Variants in HS3ST2 observed in about 807,000 individuals in gnomAD.
HS3ST2 encodes heparan sulfate glucosamine 3-O-sulfotransferase 2.
HS3ST2 carries 17 observed loss-of-function variants against 26.3 expected under a neutral mutation model. That is an observed-to-expected ratio of 0.65 (90% CI 0.44 to 0.97). HS3ST2 has a LOEUF of 0.97. Among genes scored for constraint, HS3ST2 ranks in the 50% least tolerant of loss-of-function variants. The probability of loss-of-function intolerance (pLI) is 0.00; values close to 1 mark genes in which losing one functional copy is unlikely to be tolerated. For synonymous variants in HS3ST2, 237 were observed against 219.2 expected, an observed-to-expected ratio of 1.08 and a Z score of -0.72; for missense variants, 402 against 501.2, an observed-to-expected ratio of 0.80 and a Z score of 1.89.
At chr16:22,850,185 A>C (rs562525923) in intron 1 of HS3ST2, among the ~76,000 whole-genome samples, 152 of 152,320 alleles carry the variant, frequency 1.0e-3, no homozygotes, top group African/African-American at 3.5e-3. Flanking sequence ...ACCCCTTTCC[A>C]AAACACATGT....
At chr16:22,818,827 TTCCTTCCC>T (rs1253882096) in intron 1 of HS3ST2, among the ~76,000 whole-genome samples, 389 of 26,218 alleles carry the variant, frequency 0.015, 63 homozygotes, top group Admixed American at 0.021. Flanking sequence ...CCTTCCTTCC[TTCCTTCCC>T]TCCTTCCTTC....
In HS3ST2 at chr16:22,814,795, G is replaced by T. The variant is rs766243617; in HGVS notation, c.185G>T (p.Gly62Val). The stretch of plus-strand genomic sequence containing the variant: ...CGCTGCCTCCGCGGCCCCAGCGCGG[G>T]CGGCCAGAAACTTCTCCAGAAGTCC... ...APRCLRGPSA[G>V]GQKLLQKSRP... Residue 62 changes from glycine (G) to valine (V), a missense_variant, in exon 1 of 2, where the codon GGC becomes GTC. Physicochemically the swap from Gly to Val is moderately radical, Grantham distance 109. Around this residue, in one of 2 missense-constraint regions of HS3ST2, gnomAD observed 165 missense variants for 154.6 expected, o/e 1.07. Transcript: ENST00000261374. The T allele has an allele frequency of 6.3e-7, 1 of 1,591,758 alleles. No individual in the cohort carries two copies. The highest frequency in any genetic ancestry group is 1.3e-5 in the African/African-American group (1 of 74,570).
chr16:22,884,498 A>G (rs961992918), intron 1 of HS3ST2, among the ~76,000 whole-genome samples: 20 of 152,000 alleles, frequency 1.3e-4, no homozygotes, highest in African/African-American at 4.6e-4. Context: ...ACAGGATTCT[A>G]TCCATAATAG....
chr16:22,914,270 A>T (rs1902460898), intron 1 of HS3ST2, among the ~76,000 whole-genome samples: 1 of 152,194 alleles, frequency 6.6e-6, no homozygotes, highest in African/African-American at 2.4e-5. Flanking sequence ...TACAAGCTGT[A>T]TCTTGCCTGT....
intron 1 of HS3ST2, among the ~76,000 whole-genome samples, chr16:22,904,310 G>A (rs1902320446): frequency 6.6e-6 from 1 of 152,170 alleles, no homozygotes. Flanking sequence ...TACAGTAGGT[G>A]CTCAATAAAC....
intron 1 of HS3ST2, among the ~76,000 whole-genome samples, chr16:22,865,639 T>C (rs755472956): frequency 7.9e-5 from 12 of 152,204 alleles, no homozygotes; most frequent in Non-Finnish European, 1.6e-4. Context: ...CTATTTATGC[T>C]GTTTCAGAAA....
intron 1 of HS3ST2, among the ~76,000 whole-genome samples, chr16:22,902,783 T>G (rs1264237483): frequency 2.0e-5 from 3 of 152,224 alleles, no homozygotes; most frequent in Non-Finnish European, 4.4e-5. Context: ...TTGTGTTTCC[T>G]TAATTTTAGA....
chr16:22,860,527 G>A (rs1359569750), intron 1 of HS3ST2, among the ~76,000 whole-genome samples: 1 of 152,068 alleles, frequency 6.6e-6, no homozygotes. Flanking sequence ...TTATTTTTGA[G>A]CAATGATCAC....
chr16:22,914,764 A>AAAAGAGG (rs1902470284), intron 1 of HS3ST2, among the ~76,000 whole-genome samples, 180 bp from the exon 2 acceptor site: 1 of 124,738 alleles, frequency 8.0e-6, no homozygotes, highest in African/African-American at 3.1e-5. Flanking sequence ...AAAAAAAAAA[A>AAAAGAGG]GAGAAGAAAA....
intron 1 of HS3ST2, among the ~76,000 whole-genome samples, chr16:22,872,432 G>GA (rs1213612101): frequency 6.6e-6 from 1 of 152,078 alleles, no homozygotes; most frequent in Non-Finnish European, 1.5e-5. Flanking sequence ...GGTATTTTGA[G>GA]AAAAAATTCT....
intron 1 of HS3ST2, among the ~76,000 whole-genome samples, chr16:22,885,449 T>C (rs898363380): frequency 6.6e-6 from 1 of 151,724 alleles, no homozygotes; most frequent in African/African-American, 2.4e-5. Flanking sequence ...CTCATTTTTC[T>C]TTTCTTTTCT....
intron 1 of HS3ST2, among the ~76,000 whole-genome samples, chr16:22,892,140 G>A (rs1177796228): frequency 6.7e-6 from 1 of 148,586 alleles, no homozygotes; most frequent in African/African-American, 2.5e-5. Context: ...AATACAAAAA[G>A]TTAGCCGGGC....
At chr16:22,885,561 T>C (rs1451416669) in intron 1 of HS3ST2, among the ~76,000 whole-genome samples, 1 of 151,944 alleles carries the variant, frequency 6.6e-6, no homozygotes, top group East Asian at 1.9e-4. Context: ...GTTCAAGTGA[T>C]TCTCCTGCCT....
chr16:22,905,899 C>G (rs1596632821), intron 1 of HS3ST2, among the ~76,000 whole-genome samples: 1 of 152,230 alleles, frequency 6.6e-6, no homozygotes, highest in East Asian at 1.9e-4. Context: ...TTGAACTGCA[C>G]CCCAAACCCA....
chr16:22,838,756 C>T (rs1219124075), intron 1 of HS3ST2, among the ~76,000 whole-genome samples: 1 of 152,178 alleles, frequency 6.6e-6, no homozygotes, highest in Non-Finnish European at 1.5e-5. Context: ...GTCAGTTCTT[C>T]CTCTTGCTAG....
chr16:22,897,308 A>G (rs1207717705), intron 1 of HS3ST2, among the ~76,000 whole-genome samples: 2 of 152,030 alleles, frequency 1.3e-5, no homozygotes, highest in African/African-American at 2.4e-5. Context: ...TACTACATCT[A>G]TGTTATTTAT....
chr16:22,846,138 A>G lies in HS3ST2; in HGVS notation c.485+31043A>G, dbSNP rs545539527. ...GCTAAAAATACAAAATTAGCCAGGC[A>G]TGGTGGCGAGTGCCTGTAGTCCCAG... is the stretch of plus-strand genomic sequence containing the variant. On this transcript the variant is annotated intron_variant, in intron 1 of 1. Coordinates refer to ENST00000261374, the MANE Select transcript of HS3ST2 (RefSeq NM_006043.2). Among the ~76,000 whole-genome samples, 292 of 152,248 alleles carry G rather than the reference A, an allele frequency of 1.9e-3. 3 individuals are homozygous for G. In the South Asian group the frequency reaches 0.02, roughly 11 times the overall value.
rs1012478511 is a variant in HS3ST2 at position 22,869,672 on chromosome 16, G to T, written c.486-45272G>T. ...CTGTGAGACTCATTTACTAACATGAGAACAGCGCAGGAAAGACCCGCCGCC... is the reference window on the plus strand; with the variant it reads ...CTGTGAGACTCATTTACTAACATGATAACAGCGCAGGAAAGACCCGCCGCC... On this transcript the variant is annotated intron_variant, in intron 1 of 1. Coordinates refer to ENST00000261374, the MANE Select transcript of HS3ST2 (RefSeq NM_006043.2). 6.6e-5 allele frequency among the ~76,000 whole-genome samples: 10 copies of T among 152,174 alleles called. 1 individual carries two copies. The highest frequency in any genetic ancestry group is 3.9e-4 in the East Asian group (2 of 5,184).
intron 1 of HS3ST2, among the ~76,000 whole-genome samples, chr16:22,876,478 A>T (rs530233101): frequency 8.5e-5 from 13 of 152,252 alleles, no homozygotes; most frequent in African/African-American, 2.4e-4. Flanking sequence ...GCATATTTTT[A>T]AAAAAATTAA....
Sources: allele counts gnomAD v4.1 joint callset (sites outside exome capture counted in the v4.1 genomes callset), GRCh38; gene constraint gnomAD v4.1.1; regional missense constraint gnomAD v4.1.1; transcripts MANE v1.5; gene names NCBI Gene and HGNC (gene_info 2026-07-23, HGNC 2026-07-21).